The following TCF4 variants were observed in gnomAD, a reference collection of about 807,000 sequenced individuals.
TCF4 encodes the protein SL3-3 enhancer factor 2.
A neutral mutation model predicts 82.1 loss-of-function variants in TCF4; 3 were observed. The ratio of observed to expected loss-of-function variants is 0.04; its 90% CI spans 0.02 to 0.09. TCF4 has a LOEUF of 0.09. Ranked by LOEUF, TCF4 falls within the 10% of genes least tolerant of loss-of-function variation. TCF4 has a pLI of 1.00. For synonymous variants in TCF4, 276 were observed against 309.6 expected (o/e 0.89, Z 1.14); for missense variants, 518 against 852.7 (o/e 0.61, Z 4.89).
upstream of TCF4, chr18:55,588,398 G>A (rs1166349792): frequency 1.5e-5 from 23 of 1,532,114 alleles, no homozygotes; most frequent in Non-Finnish European, 2.0e-5. Flanking sequence ...CACCCACCCC[G>A]AGGGGAAAAA....
At chr18:55,331,521 A>G (rs1569041559) in intron 8 of TCF4, among the ~76,000 whole-genome samples, 1 of 152,228 alleles carries the variant, frequency 6.6e-6, no homozygotes, top group Non-Finnish European at 1.5e-5. Context: ...TGAGGAACAA[A>G]AAGAGATTTA....
At chr18:55,620,878 C>CT (rs1453355510) in intron 2 of TCF4, among the ~76,000 whole-genome samples, 2 of 149,054 alleles carry the variant, frequency 1.3e-5, no homozygotes, top group African/African-American at 5.0e-5. Context: ...AACAGGGTTT[C>CT]TTTCCTTCTT....
chr18:55,475,346 A>T (rs1474309769), intron 3 of TCF4, among the ~76,000 whole-genome samples: 1 of 152,200 alleles, frequency 6.6e-6, no homozygotes, highest in Non-Finnish European at 1.5e-5. Flanking sequence ...TGGATATAAT[A>T]CTACAATAGT....
intron 3 of TCF4, among the ~76,000 whole-genome samples, chr18:55,470,845 G>A (rs1002183927): frequency 2.6e-5 from 4 of 152,136 alleles, no homozygotes. Context: ...TCAGAGATAG[G>A]ATGTCAAGTT....
chr18:55,528,907 G>A (rs879306626), intron 3 of TCF4, among the ~76,000 whole-genome samples: 2 of 152,214 alleles, frequency 1.3e-5, no homozygotes, highest in Non-Finnish European at 2.9e-5. Context: ...GCTGGACACA[G>A]TGGCTCATGC....
chr18:55,326,401 C>CAAAAA (rs59228811), intron 8 of TCF4, among the ~76,000 whole-genome samples: 14 of 26,380 alleles, frequency 5.3e-4, no homozygotes, highest in Admixed American at 1.2e-3. Flanking sequence ...AGAGCAGCAG[C>CAAAAA]AAAAAAAAAA....
rs147635816 is a variant in TCF4, at chr18:55,390,478, T to C, written c.369+12976A>G. 1.3e-3 allele frequency among the ~76,000 whole-genome samples: 197 copies of C among 151,804 alleles called. 1 individual carries two copies. Among genetic ancestry groups the C allele is most frequent in the African/African-American group, 4.3e-3 (179 of 41,512 alleles). ...AGTCAGAGTTTGGTAGAATGTATTA[T>C]TGTTGAATGTTCTAAATGGTCTGAT... is the stretch of plus-strand genomic sequence containing the variant. On this transcript the variant is annotated intron_variant, in intron 6 of 19. Transcript: ENST00000354452.
intron 11 of TCF4, chr18:55,267,034 G>C (rs1371965836): frequency 1.3e-5 from 2 of 152,126 alleles, no homozygotes; most frequent in Admixed American, 6.5e-5. Context: ...AGCTTCCTAA[G>C]ACATCAACAC....
chr18:55,604,589 A>T (rs1437686579), intron 2 of TCF4, among the ~76,000 whole-genome samples: 1 of 152,212 alleles, frequency 6.6e-6, no homozygotes. Context: ...GGGATTCTGC[A>T]TGGTGAGCAA....
At chr18:55,557,043 C>A (rs1363273253) in intron 3 of TCF4, among the ~76,000 whole-genome samples, 1 of 152,270 alleles carries the variant, frequency 6.6e-6, no homozygotes, top group East Asian at 1.9e-4. Flanking sequence ...TTTTGCTATA[C>A]CCATCTCCTA....
At chr18:55,455,360 T>C (rs1431695001) in intron 5 of TCF4, among the ~76,000 whole-genome samples, 1 of 151,770 alleles carries the variant, frequency 6.6e-6, no homozygotes, top group Admixed American at 6.6e-5. Context: ...CTTGTTAATA[T>C]TTCAGGAGGG....
At chr18:55,555,737 T>C (rs2097297921) in intron 3 of TCF4, among the ~76,000 whole-genome samples, 1 of 152,214 alleles carries the variant, frequency 6.6e-6, no homozygotes, top group South Asian at 2.1e-4. Flanking sequence ...CTCAATATGT[T>C]ATATCAAATG....
At chr18:55,436,910 TAA>T (rs931355726) in intron 5 of TCF4, among the ~76,000 whole-genome samples, 1 of 152,170 alleles carries the variant, frequency 6.6e-6, no homozygotes, top group African/African-American at 2.4e-5. Context: ...CAGACAGCCT[TAA>T]AAAGTCTTTG....
intron 15 of TCF4, among the ~76,000 whole-genome samples, chr18:55,248,787 C>A (rs975818379): frequency 3.3e-5 from 5 of 152,162 alleles, no homozygotes; most frequent in African/African-American, 9.7e-5. Context: ...CTCTGTCACC[C>A]AGGCTGGAGT....
At chr18:55,400,283 T>G (rs1374118149) in intron 6 of TCF4, among the ~76,000 whole-genome samples, 1 of 152,180 alleles carries the variant, frequency 6.6e-6, no homozygotes, top group Non-Finnish European at 1.5e-5. Context: ...GACTTTCCAT[T>G]ATAAATTTCA....
At chr18:55,410,005 G>A (rs1367364310) in intron 5 of TCF4, among the ~76,000 whole-genome samples, 5 of 152,138 alleles carry the variant, frequency 3.3e-5, no homozygotes, top group African/African-American at 1.2e-4. Context: ...AAATCTAAAT[G>A]TAAAATAAAT....
intron 15 of TCF4, among the ~76,000 whole-genome samples, chr18:55,250,791 A>G (rs1397579343): frequency 6.6e-6 from 1 of 152,212 alleles, no homozygotes; most frequent in East Asian, 1.9e-4. Context: ...GTGAGACTCG[A>G]GGAATTTACA....
Position 55,389,856 on chromosome 18 carries a change from A to G in TCF4, c.369+13598T>C, listed in dbSNP as rs550544279. On this transcript the variant is annotated intron_variant, in intron 6 of 19. Transcript: ENST00000354452. ...GGTGGTGACTGGGGGTCTAGGAGGC[A>G]GCAGCAGATTTATTGGTATCTTGCA... Among the ~76,000 whole-genome samples the G allele has an allele frequency of 9.9e-5, 15 of 152,148 alleles. No homozygotes were observed. The East Asian group carries it at 2.9e-3, about 29-fold the overall frequency.
In TCF4 at chr18:55,355,413, T is replaced by C. The variant is rs1287386716; in HGVS notation, c.370-4410A>G. Reference sequence around the variant, plus strand: ...CCATGGGGAAGTTTCTGTAAATCCCTGTCGAATAGTTGCTGCTGAATGTGC... The same window carrying C: ...CCATGGGGAAGTTTCTGTAAATCCCCGTCGAATAGTTGCTGCTGAATGTGC... On this transcript the variant is annotated intron_variant, in intron 6 of 19. Transcript: ENST00000354452. Among the ~76,000 whole-genome samples, 4 of 152,196 alleles carry C rather than the reference T, an allele frequency of 2.6e-5. 1 individual carries two copies. The highest frequency in any genetic ancestry group is 6.3e-3 in the Middle Eastern group (2 of 316).
Sources: gnomAD v4.1 joint callset for allele counts (sites outside exome capture counted in the v4.1 genomes callset) on GRCh38, gnomAD v4.1.1 for gene constraint, MANE v1.5 for transcripts, NCBI Gene and HGNC (gene_info 2026-07-23, HGNC 2026-07-21) for gene names.